PLEKHG5: variants seen among roughly 807,000 people sequenced by gnomAD.
PLEKHG5 encodes the protein pleckstrin homology and RhoGEF domain containing G5.
Under a neutral mutation model 103.8 loss-of-function variants are expected in PLEKHG5, and 52 were observed. The ratio of observed to expected loss-of-function variants is 0.50; its 90% CI spans 0.40 to 0.63. The LOEUF is 0.63. Among genes scored for constraint, PLEKHG5 ranks in the 30% least tolerant of loss-of-function variants. The probability of loss-of-function intolerance (pLI) is 0.00; values close to 1 mark genes in which losing one functional copy is unlikely to be tolerated. For synonymous variants in PLEKHG5, 592 were observed against 575.5 expected (o/e 1.03, Z -0.41); for missense variants, 1,205 against 1,347.6 (o/e 0.89, Z 1.66).
chr1:6,476,741 G>A (rs1305159555), intron 2 of PLEKHG5, among the ~76,000 whole-genome samples: 3 of 152,088 alleles, frequency 2.0e-5, no homozygotes, highest in Non-Finnish European at 2.9e-5. Context: ...CCTGGCAGTG[G>A]GAGAGAGTCT....
At chr1:6,475,205 C>CACCCTCCTTCCCACCCTCCTTCCCA (rs1486399988) in intron 4 of PLEKHG5, 67 bp from the exon 5 acceptor site, 7 of 818,648 alleles carry the variant, frequency 8.6e-6, no homozygotes, top group Admixed American at 7.2e-5. Flanking sequence ...CCCTCCTCCC[C>CACCCTCCTTCCCACCCTCCTTCCCA]ACCCTCCTTC....
intron 7 of PLEKHG5, among the ~76,000 whole-genome samples, 153 bp downstream of exon 7, chr1:6,473,860 T>G (rs1308997846): frequency 6.6e-6 from 1 of 152,082 alleles, no homozygotes; most frequent in East Asian, 1.9e-4. Flanking sequence ...GAGGGTCCCC[T>G]ACTCTCCCAG....
At chr1:6,519,000 G>A (rs938916287) in intron 1 of PLEKHG5, among the ~76,000 whole-genome samples, 23 of 152,260 alleles carry the variant, frequency 1.5e-4, no homozygotes, top group Non-Finnish European at 3.1e-4. Context: ...GTGCCACCAC[G>A]CCCAGCTAAT....
rs77412844 is a variant in PLEKHG5 at position 6,486,228 on chromosome 1, G to A, written c.-88+5409C>T. ...GCTCTTAGAATACAGGCACCAGAAG[G>A]GGGAGGCCAGGATGGGGCACACTCC... On this transcript the variant is annotated intron_variant, in intron 1 of 20. Transcript: ENST00000377728. The surrounding 1 kb of genome is among the most constrained non-coding windows in gnomAD (Gnocchi z 5.3). Among the ~76,000 whole-genome samples the A allele has an allele frequency of 1.3e-5, 2 of 152,040 alleles. No individual in the cohort carries two copies. The highest frequency in any genetic ancestry group is 2.9e-5 in the Non-Finnish European group (2 of 67,986).
intron 1 of PLEKHG5, among the ~76,000 whole-genome samples, chr1:6,517,112 C>T (rs569425226): frequency 4.8e-4 from 68 of 140,654 alleles, no homozygotes; most frequent in Middle Eastern, 3.5e-3. Flanking sequence ...AGGCCAGGCG[C>T]GGTAGCTCAC....
rs148647969 is a variant in PLEKHG5 at position 6,477,880 on chromosome 1, T to G, written c.-87-222A>C. 9.8e-3 allele frequency among the ~76,000 whole-genome samples: 1,482 copies of G among 151,922 alleles called. 25 individuals are homozygous for G. The highest frequency in any genetic ancestry group is 0.034 in the African/African-American group (1,405 of 41,432). On this transcript the variant is annotated intron_variant, in intron 1 of 20. Coordinates refer to ENST00000377728, the MANE Select transcript of PLEKHG5 (RefSeq NM_020631.6). ...AACACGTGGTTATTTCTCCATCTTT[T>G]TCTTTTTTTTCTTTTTCTGAGACAG...
In PLEKHG5 at chr1:6,474,061, G is replaced by C. The variant is rs1644682158; in HGVS notation, c.543C>G (p.Ala181=). Residue 181 remains alanine, a synonymous_variant, in exon 7 of 21, where the codon GCC becomes GCG. Transcript: ENST00000377728. Reference sequence around the variant, plus strand: ...GGCTCTGGGCGTCCACACGCTCCAGGGCGGGGGGCCCGGTCCCAGCTGGCC... The same window carrying C: ...GGCTCTGGGCGTCCACACGCTCCAGCGCGGGGGGCCCGGTCCCAGCTGGCC... The part of the protein sequence containing the change: ...ILRPAGTGPP[A]LERVDAQSRR... The C allele has an allele frequency of 6.2e-7, 1 of 1,612,072 alleles. No homozygotes were observed. The highest frequency in any genetic ancestry group is 8.5e-7 in the Non-Finnish European group (1 of 1,179,482).
At chr1:6,497,647 G>A, upstream of PLEKHG5, among the ~76,000 whole-genome samples, 1 of 152,052 alleles carries the variant, frequency 6.6e-6, no homozygotes, top group Non-Finnish European at 1.5e-5. This position sits in a 1 kb window ranked among gnomAD's most constrained non-coding sequence, Gnocchi z 6.1. Flanking sequence ...GTCCTGGAGG[G>A]TGCCATCCAC....
In PLEKHG5 at chr1:6,475,080, T is replaced by G. The variant is rs1247695536; in HGVS notation, c.269A>C (p.Glu90Ala). ...KFDLNVDIET[E>A]IVPAMKKKSL... ...CTTCTTCTTCATGGCTGGGACGATCTCTGTCTCAATGTCCACATTCAGGTC... is the reference window on the plus strand; with the variant it reads ...CTTCTTCTTCATGGCTGGGACGATCGCTGTCTCAATGTCCACATTCAGGTC... Residue 90 changes from glutamate (E) to alanine (A), a missense_variant, in exon 5 of 21, where the codon GAG (glutamate) becomes GCG (alanine). Coordinates refer to ENST00000377728, the MANE Select transcript of PLEKHG5 (RefSeq NM_020631.6). 6.2e-7 allele frequency: 1 copy of G among 1,611,504 alleles called. No individual in the cohort carries two copies.
At chr1:6,485,530 C>G (rs1434504812) in intron 1 of PLEKHG5, 7 of 1,210,388 alleles carry the variant, frequency 5.8e-6, no homozygotes, top group Non-Finnish European at 7.2e-6. Flanking sequence ...GCGCCCGCCC[C>G]CGCCGAGCGC....
rs1194815170 is a variant in PLEKHG5, at chr1:6,510,414, A to C, written c.-165+9031T>G. On this transcript the variant is annotated intron_variant, in intron 1 of 21. Coordinates refer to the PLEKHG5 transcript ENST00000377740. ...AAGACCAGCCTGGCCAAGATGATGA[A>C]ACCCCGTCTCTACTAAAAATACAAA... Among the ~76,000 whole-genome samples the C allele has an allele frequency of 5.9e-5, 9 of 151,812 alleles. No individual in the cohort carries two copies. The South Asian group carries it at 6.2e-4, about 11-fold the overall frequency.
chr1:6,497,265 G>A (rs1293830363), upstream of PLEKHG5: 1 of 905,458 alleles, frequency 1.1e-6, no homozygotes, highest in Admixed American at 2.0e-5. This position sits in a 1 kb window ranked among gnomAD's most constrained non-coding sequence, Gnocchi z 6.1. Flanking sequence ...GTTAGGAGCC[G>A]GCCCGGCCCC....
chr1:6,497,193 G>A (rs1447747392), upstream of PLEKHG5: 10 of 862,718 alleles, frequency 1.2e-5, no homozygotes, highest in Admixed American at 8.0e-5. This position sits in a 1 kb window ranked among gnomAD's most constrained non-coding sequence, Gnocchi z 6.1. Context: ...GTTTGGGTAC[G>A]AGCGGCCCGA....
rs561694268 is a variant in PLEKHG5, at chr1:6,472,509, A to T, written c.1080+18T>A. On this transcript the variant is annotated intron_variant, in intron 10 of 20. Coordinates refer to ENST00000377728, the MANE Select transcript of PLEKHG5 (RefSeq NM_020631.6). Reference sequence around the variant, plus strand: ...GGGGGGCAGGGTGGCCACGGGGACCAGCGCAGCCCCTACTCACGTTGATGA... The same window carrying T: ...GGGGGGCAGGGTGGCCACGGGGACCTGCGCAGCCCCTACTCACGTTGATGA... 12 of 1,563,968 alleles carry T rather than the reference A, an allele frequency of 7.7e-6. No individual in the cohort carries two copies. The East Asian group carries it at 2.7e-4, about 35-fold the overall frequency.
At chr1:6,485,900 G>A (rs933334215) in intron 1 of PLEKHG5, 2 of 986,254 alleles carry the variant, frequency 2.0e-6, no homozygotes, top group Non-Finnish European at 2.4e-6. Flanking sequence ...ACCAATGCCG[G>A]GCTCAGAGGG....
chr1:6,512,025 G>T (rs1448418779), intron 1 of PLEKHG5, among the ~76,000 whole-genome samples: 1 of 152,194 alleles, frequency 6.6e-6, no homozygotes, highest in Non-Finnish European at 1.5e-5. Context: ...GGTGTCCTAT[G>T]TATTATACCA....
chr1:6,504,553 C>G (rs1050458616), intron 1 of PLEKHG5, among the ~76,000 whole-genome samples: 2 of 149,530 alleles, frequency 1.3e-5, no homozygotes, highest in Non-Finnish European at 3.0e-5. Context: ...AGCAGCACTT[C>G]CCTTCTCTCT....
At chr1:6,516,753 GTA>G (rs1259585390) in intron 1 of PLEKHG5, among the ~76,000 whole-genome samples, 91 of 82,564 alleles carry the variant, frequency 1.1e-3, no homozygotes, top group African/African-American at 2.7e-3. Flanking sequence ...ATGTGTGTGT[GTA>G]TATATATATG....
upstream of PLEKHG5, chr1:6,496,483 G>A: frequency 6.2e-7 from 1 of 1,601,462 alleles, no homozygotes; most frequent in Middle Eastern, 2.2e-4. Context: ...AGGCTCTCCA[G>A]CCTCCCTACC....
Sources: gnomAD v4.1 joint callset for allele counts (sites outside exome capture counted in the v4.1 genomes callset) on GRCh38, gnomAD v4.1.1 for gene constraint, Gnocchi (gnomAD v3.1) non-coding constraint, MANE v1.5 for transcripts, NCBI Gene and HGNC (gene_info 2026-07-23, HGNC 2026-07-21) for gene names.